Variants in EYS observed in about 807,000 individuals in gnomAD.
The protein encoded by EYS is protein eyes shut homolog.
EYS carries 250 observed loss-of-function variants against 282.1 expected under a neutral mutation model. That is an observed-to-expected ratio of 0.89 (90% CI 0.80 to 0.98). The LOEUF is 0.98. Ranked by LOEUF, EYS falls within the 50% of genes least tolerant of loss-of-function variation. EYS has a pLI of 0.00. For synonymous variants in EYS, 1,355 were observed against 1,282.9 expected (o/e 1.06, Z -1.20); for missense variants, 4,016 against 3,709.0 (o/e 1.08, Z -2.15).
chr6:64,439,649 C>T (rs555192458), intron 26 of EYS, among the ~76,000 whole-genome samples: 2 of 151,712 alleles, frequency 1.3e-5, no homozygotes, highest in African/African-American at 2.4e-5. Flanking sequence ...GGCACATTTT[C>T]TAAATATGTA....
intron 22 of EYS, among the ~76,000 whole-genome samples, chr6:64,773,848 A>G (rs1044920202): frequency 3.3e-5 from 5 of 151,360 alleles, no homozygotes; most frequent in Non-Finnish European, 7.4e-5. Flanking sequence ...GCACATTTCA[A>G]GTTTTCAAAT....
At chr6:64,278,483 A>G (rs940424324) in intron 30 of EYS, among the ~76,000 whole-genome samples, 1 of 152,154 alleles carries the variant, frequency 6.6e-6, no homozygotes, top group Non-Finnish European at 1.5e-5. Context: ...TTCTTGAGAT[A>G]TTCTTATTTT....
At chr6:64,732,844 T>C (rs181054825) in intron 22 of EYS, among the ~76,000 whole-genome samples, 1 of 152,074 alleles carries the variant, frequency 6.6e-6, no homozygotes, top group Non-Finnish European at 1.5e-5. Context: ...CCAAATCTGA[T>C]TGTTCAGGAG....
chr6:64,424,141 G>A (rs115286123), intron 28 of EYS, among the ~76,000 whole-genome samples: 4,336 of 152,130 alleles, frequency 0.029, 192 homozygotes, highest in African/African-American at 0.099. Flanking sequence ...CTCAAAAGTT[G>A]AGTTAATGAT....
chr6:65,679,008 A>C (rs769199804), intron 1 of EYS, among the ~76,000 whole-genome samples: 15 of 151,992 alleles, frequency 9.9e-5, no homozygotes, highest in Non-Finnish European at 1.6e-4. Flanking sequence ...GTAATCCTCA[A>C]TAATCAGAGA....
chr6:64,170,125 C>T (rs1017569279), intron 31 of EYS, among the ~76,000 whole-genome samples: 3 of 152,058 alleles, frequency 2.0e-5, no homozygotes, highest in Admixed American at 6.6e-5. Context: ...CTGATCTTAC[C>T]TGCATTAAAC....
chr6:65,034,263 A>G (rs1194905497), intron 13 of EYS, among the ~76,000 whole-genome samples: 1 of 152,154 alleles, frequency 6.6e-6, no homozygotes, highest in African/African-American at 2.4e-5. Flanking sequence ...CTCAGGCAAA[A>G]CTTTGTACTT....
At chr6:65,354,307 C>T (rs1764395449) in intron 8 of EYS, among the ~76,000 whole-genome samples, 1 of 152,056 alleles carries the variant, frequency 6.6e-6, no homozygotes, top group Non-Finnish European at 1.5e-5. Flanking sequence ...ATTTCTACTT[C>T]TCCACGTTTT....
At chr6:64,461,299 A>G (rs980104043) in intron 26 of EYS, among the ~76,000 whole-genome samples, 5 of 152,226 alleles carry the variant, frequency 3.3e-5, no homozygotes, top group African/African-American at 9.6e-5. Flanking sequence ...TATTTGCATT[A>G]TATGACATTC....
intron 5 of EYS, among the ~76,000 whole-genome samples, chr6:65,434,441 C>A (rs1205254371): frequency 6.6e-6 from 1 of 151,936 alleles, no homozygotes; most frequent in African/African-American, 2.4e-5. Flanking sequence ...CTGCCTCAGC[C>A]TCCCGAGTAG....
chr6:64,150,080 G>T (rs896177843), intron 31 of EYS, among the ~76,000 whole-genome samples: 4 of 152,018 alleles, frequency 2.6e-5, no homozygotes, highest in Non-Finnish European at 5.9e-5. Flanking sequence ...ATGATTCTAG[G>T]GCCTGGGATT....
In EYS at chr6:64,765,781, C is replaced by T. The variant is rs549634856; in HGVS notation, c.3443+47597G>A. Among the ~76,000 whole-genome samples the T allele has an allele frequency of 1.6e-3, 247 of 152,140 alleles. 3 individuals carry two copies. The highest frequency in any genetic ancestry group is 1.3e-4 in the Non-Finnish European group (9 of 67,982). ...TGAGATCTCACTATCATGAGAACAG[C>T]TTGGAGGAAATCTGCCCCCCATGAT... On this transcript the variant is annotated intron_variant, in intron 22 of 42. Coordinates refer to ENST00000503581, the MANE Select transcript of EYS (RefSeq NM_001142800.2).
intron 2 of EYS, among the ~76,000 whole-genome samples, chr6:65,525,122 TA>T (rs1417234354): frequency 2.6e-5 from 4 of 151,926 alleles, no homozygotes; most frequent in South Asian, 2.1e-4. Context: ...GTTTGTTACA[TA>T]GGTATACATG....
intron 39 of EYS, 91 bp downstream of exon 39, chr6:63,788,014 G>T: frequency 1.0e-6 from 1 of 969,132 alleles, no homozygotes; most frequent in Admixed American, 3.4e-5. Context: ...CATATAGCTG[G>T]TTTGGGAAAT....
chr6:64,125,566 G>A (rs143668656), intron 31 of EYS, among the ~76,000 whole-genome samples: 1 of 151,576 alleles, frequency 6.6e-6, no homozygotes. Context: ...CGGGCGGATC[G>A]TGAGGTCAGG....
At chr6:64,880,460 T>C (rs1248662490) in intron 19 of EYS, among the ~76,000 whole-genome samples, 2 of 151,840 alleles carry the variant, frequency 1.3e-5, no homozygotes, top group African/African-American at 2.4e-5. Flanking sequence ...CTATTTCATC[T>C]TTATATGTAA....
chr6:64,275,794 A>T (rs1322026169), intron 30 of EYS, among the ~76,000 whole-genome samples: 2 of 71,124 alleles, frequency 2.8e-5, no homozygotes, highest in African/African-American at 1.3e-4. Flanking sequence ...TGTCTACTAA[A>T]AAAATAAAAT....
intron 26 of EYS, among the ~76,000 whole-genome samples, chr6:64,585,987 G>A (rs961638969): frequency 6.6e-6 from 1 of 151,998 alleles, no homozygotes; most frequent in Non-Finnish European, 1.5e-5. Flanking sequence ...AAATTGTTCT[G>A]TATGGTTTTA....
chr6:64,649,328 A>G (rs1768470216), intron 22 of EYS, among the ~76,000 whole-genome samples: 1 of 137,878 alleles, frequency 7.3e-6, no homozygotes, highest in Non-Finnish European at 1.5e-5. Flanking sequence ...AGGACTCCAT[A>G]TATTTCTATA....
Sources: gnomAD v4.1 joint callset for allele counts (sites outside exome capture counted in the v4.1 genomes callset) on GRCh38, gnomAD v4.1.1 for gene constraint, MANE v1.5 for transcripts, NCBI Gene and HGNC (gene_info 2026-07-23, HGNC 2026-07-21) for gene names.